Variants in TRAIP observed in about 807,000 individuals in gnomAD.
TRAIP encodes TRAF interacting protein.
Under a neutral mutation model 65.0 loss-of-function variants are expected in TRAIP, and 37 were observed. The observed-to-expected ratio is 0.57, with a 90% confidence interval of 0.44 to 0.75. The LOEUF is 0.75. Ranked by LOEUF, TRAIP falls within the 30% of genes least tolerant of loss-of-function variation. TRAIP has a pLI of 0.00. For synonymous variants in TRAIP, 187 were observed against 219.1 expected (o/e 0.85, Z 1.29); for missense variants, 481 against 579.4 (o/e 0.83, Z 1.74).
intron 3 of TRAIP, among the ~76,000 whole-genome samples, chr3:49,845,226 A>T (rs1268750128): frequency 6.6e-6 from 1 of 152,228 alleles, no homozygotes; most frequent in Non-Finnish European, 1.5e-5. Context: ...TTTCACAGCC[A>T]TGCCACAGAA....
At chr3:49,853,177 T>C (rs973045552) in intron 1 of TRAIP, among the ~76,000 whole-genome samples, 14 of 150,850 alleles carry the variant, frequency 9.3e-5, no homozygotes, top group African/African-American at 2.7e-4. Context: ...GGATACACTA[T>C]ACCAAAACTG....
chr3:49,846,252 A>G (rs2081880832), intron 3 of TRAIP, among the ~76,000 whole-genome samples: 1 of 152,128 alleles, frequency 6.6e-6, no homozygotes, highest in Admixed American at 6.6e-5. Flanking sequence ...TATTTAATAG[A>G]GATGGGGTCC....
chr3:49,844,046 C>T, intron 4 of TRAIP, 118 bp from the exon 5 acceptor site: 3 of 1,404,016 alleles, frequency 2.1e-6, no homozygotes, highest in Non-Finnish European at 2.9e-6. Context: ...AAGGCTCAGG[C>T]CTGAAAGCTG....
intron 11 of TRAIP, among the ~76,000 whole-genome samples, chr3:49,830,844 G>C (rs1283895028): frequency 2.0e-5 from 3 of 152,206 alleles, no homozygotes; most frequent in African/African-American, 7.2e-5. Context: ...TGCCCTAACG[G>C]CCTGTGGTAA....
intron 3 of TRAIP, 101 bp downstream of exon 3, chr3:49,847,424 G>C: frequency 3.8e-6 from 2 of 527,470 alleles, no homozygotes; most frequent in Non-Finnish European, 6.8e-6. Context: ...AGAGAAAAGA[G>C]AAGAGAAGAG....
chr3:49,845,333 A>G (rs1466322076), intron 3 of TRAIP, among the ~76,000 whole-genome samples: 1 of 152,210 alleles, frequency 6.6e-6, no homozygotes, highest in Non-Finnish European at 1.5e-5. Context: ...GCTCCATAAC[A>G]AAGAAATCCA....
chr3:49,835,263 T>TA (rs1163821582), intron 10 of TRAIP, among the ~76,000 whole-genome samples: 2 of 152,176 alleles, frequency 1.3e-5, no homozygotes, highest in African/African-American at 4.8e-5. Flanking sequence ...AAAATTCTAA[T>TA]ACATGCTACA....
At chr3:49,847,093 T>C (rs2081889616) in intron 3 of TRAIP, among the ~76,000 whole-genome samples, 1 of 151,730 alleles carries the variant, frequency 6.6e-6, no homozygotes, top group Non-Finnish European at 1.5e-5. Flanking sequence ...AGCAGGAGAA[T>C]TGTTTTAACC....
chr3:49,833,636 C>T (rs1216814929), intron 10 of TRAIP, among the ~76,000 whole-genome samples: 1 of 152,182 alleles, frequency 6.6e-6, no homozygotes, highest in Non-Finnish European at 1.5e-5. Flanking sequence ...CCCGCCACCA[C>T]GCCCAGCTAA....
At chr3:49,856,299 C>CA (rs764484274) in intron 1 of TRAIP, 57 bp downstream of exon 1, 12 of 1,499,676 alleles carry the variant, frequency 8.0e-6, no homozygotes, top group African/African-American at 1.4e-5. Context: ...CCCAACACCT[C>CA]AAGGCCCTGA....
intron 1 of TRAIP, among the ~76,000 whole-genome samples, chr3:49,855,834 G>C (rs1362465537): frequency 1.3e-5 from 2 of 152,178 alleles, no homozygotes; most frequent in Admixed American, 6.5e-5. Flanking sequence ...GGCCCTACAC[G>C]GTCAGCAGGA....
Position 49,828,991 on chromosome 3 carries a change from A to T in TRAIP, c.*112T>A. 6.8e-7 allele frequency: 1 copy of T among 1,473,248 alleles called. No homozygotes were observed. Among genetic ancestry groups the T allele is most frequent in the Non-Finnish European group, 9.4e-7 (1 of 1,066,366 alleles). 91.3% of individuals were successfully genotyped at this position (1,473,248 alleles called of 1,614,324 possible). The stretch of plus-strand genomic sequence containing the variant: ...CACCCTCACCTGTTTGTCTGCCCTT[A>T]CACCTCAGGCTGGTCCCGAAAGTGG... On this transcript the variant is annotated 3_prime_UTR_variant, in exon 15 of 15. Transcript: ENST00000331456.
At chr3:49,840,202 C>T (rs2081827150) in intron 9 of TRAIP, 82 bp downstream of exon 9, 6 of 1,269,178 alleles carry the variant, frequency 4.7e-6, no homozygotes, top group Non-Finnish European at 6.9e-6. Context: ...GTGCAAGGGT[C>T]CTGGGCAGAG....
chr3:49,838,199 C>T (rs928371871), intron 10 of TRAIP, among the ~76,000 whole-genome samples: 1 of 152,186 alleles, frequency 6.6e-6, no homozygotes, highest in African/African-American at 2.4e-5. Context: ...CAGAAAAATA[C>T]TGGAGACAAA....
intron 10 of TRAIP, among the ~76,000 whole-genome samples, chr3:49,835,528 T>C (rs891355236): frequency 1.3e-5 from 2 of 152,190 alleles, no homozygotes; most frequent in African/African-American, 4.8e-5. Context: ...ATGTACTTGA[T>C]GCCACAGAAA....
Position 49,841,051 on chromosome 3 carries a change from C to G in TRAIP, c.639G>C (p.Glu213Asp). ...CCACCTCCCCTGAGGCCTTCCGTGC[C>G]TCTTTTAGATTCTCGTACTCTCTGC... is the stretch of plus-strand genomic sequence containing the variant. ...SLKKEYENLKEARKASGEVAD... is the reference protein window; with the variant it reads ...SLKKEYENLKDARKASGEVAD... Residue 213 changes from glutamate to aspartate, a missense_variant, in exon 8 of 15, where the codon GAG becomes GAC. Glu to Asp is a conservative substitution (Grantham distance 45, BLOSUM62 2). Coordinates refer to ENST00000331456, the MANE Select transcript of TRAIP (RefSeq NM_005879.3). The G allele has an allele frequency of 6.2e-7, 1 of 1,614,192 alleles. No individual in the cohort carries two copies. The highest frequency in any genetic ancestry group is 8.5e-7 in the Non-Finnish European group (1 of 1,180,034).
chr3:49,831,467 G>C (rs914448468), intron 11 of TRAIP, among the ~76,000 whole-genome samples: 1 of 152,230 alleles, frequency 6.6e-6, no homozygotes, highest in Non-Finnish European at 1.5e-5. Flanking sequence ...TCTCATGCTT[G>C]CCCCTGTGGG....
intron 1 of TRAIP, 150 bp from the exon 2 acceptor site, chr3:49,848,350 A>G: frequency 1.2e-6 from 1 of 824,614 alleles, no homozygotes; most frequent in Non-Finnish European, 2.0e-6. Flanking sequence ...AGGCAGTTAC[A>G]GCACCTCCCG....
chr3:49,828,874 G>C lies in TRAIP; in HGVS notation c.*229C>G, dbSNP rs541391478. ...GAGCCTGGCAACAGGAGCAGGACCT[G>C]CTGACAGGATCAGTGGGCTGGTCAT... On this transcript the variant is annotated 3_prime_UTR_variant, in exon 15 of 15. Coordinates refer to ENST00000331456, the MANE Select transcript of TRAIP (RefSeq NM_005879.3). 1.8e-6 allele frequency: 1 copy of C among 552,322 alleles called. No homozygotes were observed. The highest frequency in any genetic ancestry group is 1.9e-5 in the African/African-American group (1 of 52,808). The allele number at this position is 552,322 out of a possible 1,614,324, so 34.2% of individuals were successfully genotyped here. A position where few individuals can be genotyped will look rare whatever the true frequency, so the allele number is the denominator to read the frequency against.
Sources: allele counts gnomAD v4.1 joint callset (sites outside exome capture counted in the v4.1 genomes callset), GRCh38; gene constraint gnomAD v4.1.1; transcripts MANE v1.5; gene names NCBI Gene and HGNC (gene_info 2026-07-23, HGNC 2026-07-21).